The following RWDD4 variants were observed in gnomAD, a reference collection of about 807,000 sequenced individuals.
RWDD4 encodes the protein RWD domain containing 4, also known as RWD domain-containing protein 4.
A neutral mutation model predicts 30.0 loss-of-function variants in RWDD4; 16 were observed. The ratio of observed to expected loss-of-function variants is 0.53; its 90% CI spans 0.36 to 0.81. The LOEUF (loss-of-function observed/expected upper bound fraction) is 0.81, where lower values mean the gene tolerates loss of function less well. Ranked by LOEUF, RWDD4 falls within the 30% of genes least tolerant of loss-of-function variation. The probability of loss-of-function intolerance (pLI) is 0.00; values close to 1 mark genes in which losing one functional copy is unlikely to be tolerated. For missense variants in RWDD4, 170 were observed against 223.9 expected, an observed-to-expected ratio of 0.76 and a Z score of 1.54; for synonymous variants, 45 against 72.1, an observed-to-expected ratio of 0.62 and a Z score of 1.90.
At position 183,642,185 on chromosome 4, in the gene RWDD4, ATTTTTTTT is replaced by A. The variant is rs1009902870; in HGVS notation, c.535-725_535-718del. 2.1e-5 allele frequency among the ~76,000 whole-genome samples: 2 copies of A among 97,154 alleles called. 1 individual carries two copies. Among genetic ancestry groups the A allele is most frequent in the Non-Finnish European group, 3.8e-5 (2 of 52,494 alleles). 63.7% of individuals were successfully genotyped at this position (97,154 alleles called of 152,430 possible). A position where few individuals can be genotyped will look rare whatever the true frequency, so the allele number is the denominator to read the frequency against. On this transcript the variant is annotated intron_variant, in intron 7 of 7. Transcript: ENST00000326397. ...CTGAGGACCTCTTTCCATTCTTAAA[ATTTTTTTT>A]TTTTTTTTTTTTTTGAGACAGAGTC...
chr4:183,642,447 C>A lies in RWDD4; in HGVS notation c.535-979G>T, dbSNP rs1396572193. ...CTCGTGATCCGCCCGCCTCGGCCTCCCAAAGTGCTGGGATTACAGGCGTGA... is the reference window on the plus strand; with the variant it reads ...CTCGTGATCCGCCCGCCTCGGCCTCACAAAGTGCTGGGATTACAGGCGTGA... On this transcript the variant is annotated intron_variant, in intron 7 of 7. Transcript: ENST00000326397. Among the ~76,000 whole-genome samples the A allele has an allele frequency of 1.3e-5, 2 of 151,536 alleles. 1 individual carries two copies. Among genetic ancestry groups the A allele is most frequent in the African/African-American group, 4.9e-5 (2 of 41,120 alleles).
In RWDD4 at chr4:183,639,636, C is replaced by T. The variant is rs1477468983; in HGVS notation, c.*1800G>A. 2 of 152,542 alleles carry T rather than the reference C, an allele frequency of 1.3e-5. No individual in the cohort carries two copies. The highest frequency in any genetic ancestry group is 6.5e-5 in the Admixed American group (1 of 15,280). The allele number at this position is 152,542 out of a possible 1,614,324, so 9.4% of individuals were successfully genotyped here. A position where few individuals can be genotyped will look rare whatever the true frequency, so the allele number is the denominator to read the frequency against. On this transcript the variant is annotated 3_prime_UTR_variant, in exon 8 of 8. Transcript: ENST00000326397. ...TCTGAAATAAAATGTGTAGAAAAATCGCTGTGTATAATTCAGACTTTATTG... is the reference window on the plus strand; with the variant it reads ...TCTGAAATAAAATGTGTAGAAAAATTGCTGTGTATAATTCAGACTTTATTG...
Position 183,655,938 on chromosome 4 carries a change from A to G in RWDD4, c.48T>C (p.Ser16=), listed in dbSNP as rs1363070416. The change falls in exon 2 of 8, where the codon TCT becomes TCC. Residue 16 remains serine (S), a synonymous_variant. Coordinates refer to ENST00000326397, the MANE Select transcript of RWDD4 (RefSeq NM_152682.4). The part of the protein sequence containing the change: ...DQEMELEALR[S]IYEGDESFRE... ...GGAAACTTTCATCTCCTTCATAAAT[A>G]GAGCGTAATGCTTCTAGTTCCATCT... 3 of 1,611,262 alleles carry G rather than the reference A, an allele frequency of 1.9e-6. No homozygotes were observed. The highest frequency in any genetic ancestry group is 2.5e-6 in the Non-Finnish European group (3 of 1,177,728).
In RWDD4 at chr4:183,654,944, GT is replaced by G. The variant is rs915116257; in HGVS notation, c.105+936del. On this transcript the variant is annotated intron_variant, in intron 2 of 7. Transcript: ENST00000326397. ...TTCCGCTACTTATAATTATTTGTGT[GT>G]TTTTTTTGTTTTTTTTTTTGAGTCC... Among the ~76,000 whole-genome samples the G allele has an allele frequency of 2.6e-5, 4 of 150,964 alleles. No homozygotes were observed. The South Asian group carries it at 6.3e-4, about 24-fold the overall frequency.
intron 7 of RWDD4, among the ~76,000 whole-genome samples, chr4:183,645,124 C>A (rs1241095342): frequency 6.6e-6 from 1 of 152,014 alleles, no homozygotes; most frequent in Non-Finnish European, 1.5e-5. Context: ...CAACAAAAAA[C>A]CCAAAACAAC....
At chr4:183,645,057 G>A (rs981879536) in intron 7 of RWDD4, among the ~76,000 whole-genome samples, 2 of 152,072 alleles carry the variant, frequency 1.3e-5, no homozygotes, top group African/African-American at 2.4e-5. Context: ...CCATGTTCAC[G>A]CCACTGCACT....
chr4:183,649,590 T>C (rs1734035767), intron 4 of RWDD4, 22 bp from the exon 5 acceptor site: 1 of 1,316,520 alleles, frequency 7.6e-7, no homozygotes, highest in East Asian at 2.3e-5. Flanking sequence ...AAGAAATAAT[T>C]CTCAGCCTCA....
At chr4:183,644,239 A>G (rs1156983560) in intron 7 of RWDD4, among the ~76,000 whole-genome samples, 3 of 152,234 alleles carry the variant, frequency 2.0e-5, no homozygotes, top group African/African-American at 7.2e-5. Flanking sequence ...GTAGGACAAC[A>G]TGAAGTATCC....
At chr4:183,650,840 A>G in intron 4 of RWDD4, 144 bp downstream of exon 4, 3 of 681,962 alleles carry the variant, frequency 4.4e-6, no homozygotes, top group Non-Finnish European at 6.9e-6. Context: ...TCTGAAATCC[A>G]TTGTTCTCAT....
At chr4:183,643,120 A>AT (rs1561008360) in intron 7 of RWDD4, among the ~76,000 whole-genome samples, 2 of 141,960 alleles carry the variant, frequency 1.4e-5, no homozygotes, top group Non-Finnish European at 3.1e-5. Flanking sequence ...AAAATTAAAA[A>AT]AAAAAAAAAA....
At chr4:183,656,380 T>C (rs1734194878) in intron 1 of RWDD4, among the ~76,000 whole-genome samples, 1 of 152,246 alleles carries the variant, frequency 6.6e-6, no homozygotes, top group African/African-American at 2.4e-5. Flanking sequence ...TTTCCCATTA[T>C]TTACATACAT....
intron 7 of RWDD4, among the ~76,000 whole-genome samples, chr4:183,641,855 G>T (rs1021216747): frequency 6.6e-6 from 1 of 151,916 alleles, no homozygotes; most frequent in Non-Finnish European, 1.5e-5. Flanking sequence ...TTTAAATGTG[G>T]TCAAATAAAA....
At chr4:183,654,428 A>G (rs1020500417) in intron 2 of RWDD4, among the ~76,000 whole-genome samples, 1 of 152,192 alleles carries the variant, frequency 6.6e-6, no homozygotes, top group African/African-American at 2.4e-5. Context: ...GCAAGAACTG[A>G]GGGGTGTGAC....
chr4:183,641,556 C>G, intron 7 of RWDD4, 88 bp from the exon 8 acceptor site: 1 of 1,025,212 alleles, frequency 9.8e-7, no homozygotes. Flanking sequence ...CTATAGGCAA[C>G]GAGGCTTAAG....
intron 3 of RWDD4, 40 bp from the exon 4 acceptor site, chr4:183,651,171 A>G (rs896255279): frequency 2.2e-5 from 35 of 1,608,692 alleles, no homozygotes; most frequent in East Asian, 1.1e-4. Context: ...AGAGAAAAGT[A>G]TAACAGAGAG....
chr4:183,656,096 A>G (rs1470598072), intron 1 of RWDD4, 135 bp from the exon 2 acceptor site: 12 of 608,758 alleles, frequency 2.0e-5, no homozygotes, highest in Non-Finnish European at 3.5e-5. Context: ...TACTTACCAC[A>G]TAGGTGCATG....
chr4:183,654,362 G>A (rs1052037784), intron 2 of RWDD4, among the ~76,000 whole-genome samples: 7 of 152,166 alleles, frequency 4.6e-5, no homozygotes, highest in Non-Finnish European at 7.4e-5. Flanking sequence ...TAAGGGGGAA[G>A]CTAAAGAAAG....
At chr4:183,647,934 A>C (rs1733993208) in intron 5 of RWDD4, among the ~76,000 whole-genome samples, 1 of 152,206 alleles carries the variant, frequency 6.6e-6, no homozygotes, top group African/African-American at 2.4e-5. Context: ...TCCATTACAG[A>C]AGAAAGGACA....
intron 7 of RWDD4, 21 bp from the exon 8 acceptor site, chr4:183,641,489 A>G: frequency 6.3e-7 from 1 of 1,586,506 alleles, no homozygotes; most frequent in Non-Finnish European, 8.6e-7. Context: ...AAGAGAGAAA[A>G]TAGTCAACAA....
Sources: allele counts gnomAD v4.1 joint callset (sites outside exome capture counted in the v4.1 genomes callset), GRCh38; gene constraint gnomAD v4.1.1; transcripts MANE v1.5; gene names NCBI Gene and HGNC (gene_info 2026-07-23, HGNC 2026-07-21).